Variants in GRIP1 observed in about 807,000 individuals in gnomAD.
GRIP1 encodes the protein glutamate receptor-interacting protein 1.
GRIP1 carries 45 observed loss-of-function variants against 129.9 expected under a neutral mutation model. The observed-to-expected ratio is 0.35, with a 90% CI of 0.27 to 0.44. The LOEUF is 0.44. Among genes scored for constraint, GRIP1 ranks in the 20% least tolerant of loss-of-function variants. The pLI is 1.00. For synonymous variants in GRIP1, 530 were observed against 520.8 expected, an observed-to-expected ratio of 1.02 and a Z score of -0.24; for missense variants, 1,196 against 1,396.8, an observed-to-expected ratio of 0.86 and a Z score of 2.29.
At chr12:66,523,829 G>GA (rs200882741) in intron 5 of GRIP1, among the ~76,000 whole-genome samples, 20,808 of 152,130 alleles carry the variant, frequency 0.14, 1,763 homozygotes, top group Non-Finnish European at 0.19. Flanking sequence ...AAGGGATGGA[G>GA]GAAGATCTAC....
intron 1 of GRIP1, among the ~76,000 whole-genome samples, chr12:66,960,817 C>T (rs932393854): frequency 1.3e-5 from 2 of 152,090 alleles, no homozygotes; most frequent in African/African-American, 4.8e-5. Flanking sequence ...GTCAGTAGTG[C>T]CAAGGCTGAG....
chr12:66,405,158 A>G (rs1434294355), intron 16 of GRIP1, among the ~76,000 whole-genome samples: 1 of 152,222 alleles, frequency 6.6e-6, no homozygotes, highest in Non-Finnish European at 1.5e-5. Context: ...TTAAAGTCTC[A>G]CTGCATTAAA....
chr12:66,853,209 G>T lies in GRIP1; in HGVS notation c.58+215841C>A, dbSNP rs530876731. On this transcript the variant is annotated intron_variant, in intron 1 of 1. Transcript: ENST00000643019. ...GGAAACGGAGATTTTAAATCCCTAA[G>T]TTGCATGGAGCTTGTGAACTTTCAG... 2.6e-5 allele frequency among the ~76,000 whole-genome samples: 4 copies of T among 151,774 alleles called. No homozygotes were observed. In the East Asian group the frequency reaches 5.9e-4, roughly 22 times the overall value.
chr12:66,503,521 T>C (rs1399092627), intron 7 of GRIP1, among the ~76,000 whole-genome samples: 1 of 152,142 alleles, frequency 6.6e-6, no homozygotes, highest in Non-Finnish European at 1.5e-5. Context: ...TTCTAAAGCT[T>C]TCTAAAATAA....
At chr12:66,610,127 G>A (rs1227437025) in intron 1 of GRIP1, among the ~76,000 whole-genome samples, 1 of 151,908 alleles carries the variant, frequency 6.6e-6, no homozygotes, top group South Asian at 2.1e-4. Context: ...AAATCAGTCA[G>A]AATTTTTGTG....
chr12:66,442,973 C>T (rs1039455445), intron 13 of GRIP1, among the ~76,000 whole-genome samples: 1 of 152,114 alleles, frequency 6.6e-6, no homozygotes, highest in African/African-American at 2.4e-5. Context: ...GCATAACTGG[C>T]CCATGGTAAA....
At chr12:66,999,143 T>C (rs2042513584) in intron 1 of GRIP1, among the ~76,000 whole-genome samples, 1 of 152,196 alleles carries the variant, frequency 6.6e-6, no homozygotes, top group Non-Finnish European at 1.5e-5. Flanking sequence ...ATCTGGTCTG[T>C]CTTGTTCATA....
chr12:66,452,316 C>T (rs935520973), intron 11 of GRIP1, among the ~76,000 whole-genome samples: 2 of 152,204 alleles, frequency 1.3e-5, no homozygotes, highest in South Asian at 4.1e-4. Flanking sequence ...AGGGCTCCCT[C>T]TATGACATGG....
chr12:66,452,133 G>A (rs1240858428), intron 11 of GRIP1, among the ~76,000 whole-genome samples: 2 of 152,234 alleles, frequency 1.3e-5, no homozygotes, highest in East Asian at 1.9e-4. Context: ...CTGGCCCAGG[G>A]TACAGTGGTG....
At chr12:66,968,921 A>G (rs540096048) in intron 1 of GRIP1, among the ~76,000 whole-genome samples, 1 of 152,212 alleles carries the variant, frequency 6.6e-6, no homozygotes, top group Admixed American at 6.5e-5. Context: ...CTAATAATAA[A>G]TCCCCTCGGT....
chr12:66,505,497 C>T (rs1207767640), intron 7 of GRIP1, among the ~76,000 whole-genome samples: 1 of 152,198 alleles, frequency 6.6e-6, no homozygotes, highest in Non-Finnish European at 1.5e-5. Flanking sequence ...AAGCAAAAAA[C>T]TCATCCACGC....
chr12:66,857,959 C>T (rs2040036569), intron 1 of GRIP1, among the ~76,000 whole-genome samples: 1 of 151,956 alleles, frequency 6.6e-6, no homozygotes, highest in Non-Finnish European at 1.5e-5. Context: ...ACTGGTGCAG[C>T]ACCTTGGAGG....
intron 1 of GRIP1, among the ~76,000 whole-genome samples, chr12:66,600,411 A>G (rs552896342): frequency 6.6e-6 from 1 of 152,366 alleles, no homozygotes; most frequent in South Asian, 2.1e-4. Context: ...CATCCCTAGC[A>G]CATCGTAGGC....
At chr12:66,951,879 A>C (rs959816476) in intron 1 of GRIP1, among the ~76,000 whole-genome samples, 1 of 152,186 alleles carries the variant, frequency 6.6e-6, no homozygotes, top group Non-Finnish European at 1.5e-5. Flanking sequence ...ACCTGATGAC[A>C]GTGATGATGA....
intron 1 of GRIP1, among the ~76,000 whole-genome samples, chr12:66,784,142 A>G (rs2038244741): frequency 6.6e-6 from 1 of 152,186 alleles, no homozygotes; most frequent in South Asian, 2.1e-4. Flanking sequence ...AGTTGTAAGT[A>G]GATAACTATG....
At chr12:66,883,110 C>G (rs1027534655) in intron 1 of GRIP1, among the ~76,000 whole-genome samples, 3 of 152,106 alleles carry the variant, frequency 2.0e-5, no homozygotes, top group Non-Finnish European at 4.4e-5. Flanking sequence ...CTCACAGCAA[C>G]AGCCCTTATC....
At position 66,640,166 on chromosome 12, in the gene GRIP1, C is replaced by A. The variant is rs529184707; in HGVS notation, c.55+38684G>T. On this transcript the variant is annotated intron_variant, in intron 1 of 24. Transcript: ENST00000359742. Reference sequence around the variant, plus strand: ...TCTCATGCATACTTCCATCTCAGCTCTTTCTACACCGTAGTATAATTGTTG... The same window carrying A: ...TCTCATGCATACTTCCATCTCAGCTATTTCTACACCGTAGTATAATTGTTG... Among the ~76,000 whole-genome samples, 3 of 152,278 alleles carry A rather than the reference C, an allele frequency of 2.0e-5. No homozygotes were observed. In the South Asian group the frequency reaches 6.2e-4, roughly 32 times the overall value.
intron 13 of GRIP1, among the ~76,000 whole-genome samples, chr12:66,433,824 A>T (rs540315649): frequency 4.2e-4 from 64 of 152,270 alleles, no homozygotes; most frequent in African/African-American, 1.5e-3. Context: ...GGGATGGGTG[A>T]GCTATCCACT....
intron 1 of GRIP1, among the ~76,000 whole-genome samples, chr12:67,003,023 T>C (rs981994565): frequency 2.0e-5 from 3 of 152,072 alleles, no homozygotes; most frequent in Non-Finnish European, 4.4e-5. Flanking sequence ...ACACACGATA[T>C]ATTACAGGGA....
Sources: allele counts gnomAD v4.1 joint callset (sites outside exome capture counted in the v4.1 genomes callset), GRCh38; gene constraint gnomAD v4.1.1; transcripts MANE v1.5; gene names NCBI Gene and HGNC (gene_info 2026-07-23, HGNC 2026-07-21).